The following DAP variants were observed in gnomAD, a reference collection of about 807,000 sequenced individuals.
DAP encodes death-associated protein 1.
DAP carries 8 observed loss-of-function variants against 13.8 expected under a neutral mutation model. The ratio of observed to expected loss-of-function variants is 0.58; its 90% CI spans 0.34 to 1.05. The LOEUF (loss-of-function observed/expected upper bound fraction) is 1.05. DAP is among the 50% of genes least tolerant of loss of function. The probability of loss-of-function intolerance (pLI) is 0.03; values close to 1 mark genes in which losing one functional copy is unlikely to be tolerated. For missense variants in DAP, 106 were observed against 133.2 expected (o/e 0.80, Z 1.01); for synonymous variants, 47 against 47.5 (o/e 0.99, Z 0.04).
chr5:10,750,515 C>A (rs1740021832), intron 1 of DAP, among the ~76,000 whole-genome samples: 2 of 152,172 alleles, frequency 1.3e-5, no homozygotes, highest in Non-Finnish European at 2.9e-5. Flanking sequence ...CTACTTGGGG[C>A]AGAAGGAAAC....
intron 2 of DAP, among the ~76,000 whole-genome samples, chr5:10,726,860 T>C (rs1739299715): frequency 6.6e-6 from 1 of 152,138 alleles, no homozygotes; most frequent in South Asian, 2.1e-4. Context: ...GTTTGCTAAG[T>C]GCCAGTCCCC....
intron 2 of DAP, among the ~76,000 whole-genome samples, chr5:10,685,776 C>CT: frequency 1.3e-5 from 2 of 152,254 alleles, no homozygotes; most frequent in South Asian, 4.1e-4. Flanking sequence ...ACTCCAGAAA[C>CT]TTGATATAAA....
At chr5:10,705,656 G>T (rs3797123) in intron 2 of DAP, among the ~76,000 whole-genome samples, 11,330 of 152,276 alleles carry the variant, frequency 0.074, 640 homozygotes, top group East Asian at 0.29. Context: ...ACTCAACTTT[G>T]GTCTAAGATG....
chr5:10,710,269 C>A (rs1414154404), intron 2 of DAP, among the ~76,000 whole-genome samples: 3 of 152,214 alleles, frequency 2.0e-5, no homozygotes, highest in Non-Finnish European at 4.4e-5. Context: ...ACACCAAATC[C>A]CCTGAAAAGT....
At chr5:10,727,043 C>T (rs369986930) in intron 2 of DAP, among the ~76,000 whole-genome samples, 4 of 152,188 alleles carry the variant, frequency 2.6e-5, no homozygotes, top group East Asian at 1.9e-4. Context: ...GGAATGTAAG[C>T]AACTGTTTTA....
intron 2 of DAP, among the ~76,000 whole-genome samples, chr5:10,699,862 T>G (rs1204148591): frequency 6.6e-6 from 1 of 152,230 alleles, no homozygotes; most frequent in Admixed American, 6.5e-5. Flanking sequence ...TTGAGGGAGC[T>G]TCCTTTGCTT....
In DAP at chr5:10,707,167, G is replaced by T. The variant is rs1196074714; in HGVS notation, c.153-23596C>A. Among the ~76,000 whole-genome samples, 3 of 152,196 alleles carry T rather than the reference G, an allele frequency of 2.0e-5. No homozygotes were observed. Among genetic ancestry groups the T allele is most frequent in the African/African-American group, 7.2e-5 (3 of 41,446 alleles). On this transcript the variant is annotated intron_variant, in intron 2 of 3. Transcript: ENST00000230895. This position sits in a 1 kb window ranked among gnomAD's most constrained non-coding sequence, Gnocchi z 4.0. ...AACTCAACTGGGCATTTACATTTAA[G>T]CCAAGTGCTATGAAGGGGAAGGCCA... is the stretch of plus-strand genomic sequence containing the variant.
chr5:10,708,433 C>T (rs530206688), intron 2 of DAP, among the ~76,000 whole-genome samples: 27 of 126,060 alleles, frequency 2.1e-4, no homozygotes, highest in Admixed American at 1.2e-3. Flanking sequence ...TACACATATA[C>T]ACATATCAGA....
At chr5:10,687,545 AAG>A (rs1324590655) in intron 2 of DAP, among the ~76,000 whole-genome samples, 3 of 152,300 alleles carry the variant, frequency 2.0e-5, no homozygotes, top group Admixed American at 6.5e-5. Context: ...TGAAAACAGC[AAG>A]AGAACTAGGA....
Position 10,679,453 on chromosome 5 carries a change from A to AG in DAP, c.*1602dup, listed in dbSNP as rs1479536550. 1 of 152,388 alleles carries AG rather than the reference A, an allele frequency of 6.6e-6. No individual in the cohort carries two copies. Among genetic ancestry groups the AG allele is most frequent in the Non-Finnish European group, 1.5e-5 (1 of 68,042 alleles). 9.4% of individuals were successfully genotyped at this position (152,388 alleles called of 1,614,324 possible). On this transcript the variant is annotated 3_prime_UTR_variant, in exon 4 of 4. Transcript: ENST00000230895. ...GATGCTTCTGGATTTCTGCAGCGGCAGGGCAGGGGTCTGCACAGGCCTGAC... is the reference window on the plus strand; with the variant it reads ...GATGCTTCTGGATTTCTGCAGCGGCAGGGGCAGGGGTCTGCACAGGCCTGAC...
At chr5:10,682,532 C>T (rs1487011050) in intron 3 of DAP, among the ~76,000 whole-genome samples, 4 of 149,284 alleles carry the variant, frequency 2.7e-5, no homozygotes, top group East Asian at 2.0e-4. Flanking sequence ...TCCAGGCCAG[C>T]GCCCACCAGC....
intron 2 of DAP, among the ~76,000 whole-genome samples, chr5:10,689,234 C>A (rs1001382723): frequency 2.6e-5 from 4 of 152,148 alleles, no homozygotes; most frequent in African/African-American, 9.7e-5. Context: ...ACTCCCAGGG[C>A]ACGCTCTTTC....
At chr5:10,727,026 T>TG (rs1739304450) in intron 2 of DAP, among the ~76,000 whole-genome samples, 1 of 152,198 alleles carries the variant, frequency 6.6e-6, no homozygotes, top group African/African-American at 2.4e-5. Context: ...AGACTTAGCT[T>TG]GATCCTGGAA....
At chr5:10,726,298 C>T (rs1311676928) in intron 2 of DAP, among the ~76,000 whole-genome samples, 2 of 152,228 alleles carry the variant, frequency 1.3e-5, no homozygotes, top group African/African-American at 2.4e-5. Context: ...ACACAGTGTT[C>T]ATACATTTCT....
At chr5:10,714,448 T>C (rs977939555) in intron 2 of DAP, among the ~76,000 whole-genome samples, 2 of 152,246 alleles carry the variant, frequency 1.3e-5, no homozygotes, top group Non-Finnish European at 2.9e-5. Flanking sequence ...GGAGACCTTG[T>C]TATTAAATCT....
At chr5:10,687,905 C>CTTTTTTTTT (rs1199947263) in intron 2 of DAP, among the ~76,000 whole-genome samples, 14 of 110,640 alleles carry the variant, frequency 1.3e-4, no homozygotes, top group African/African-American at 3.8e-4. Flanking sequence ...TCATTGTTGT[C>CTTTTTTTTT]TTTTTTTTTT....
intron 2 of DAP, among the ~76,000 whole-genome samples, chr5:10,737,991 G>C (rs1290112236): frequency 1.3e-5 from 2 of 152,236 alleles, no homozygotes; most frequent in Admixed American, 6.5e-5. Flanking sequence ...CACAGGACTG[G>C]AGTGATGCAT....
intron 2 of DAP, among the ~76,000 whole-genome samples, chr5:10,695,946 C>T (rs1035261212): frequency 6.6e-6 from 1 of 151,702 alleles, no homozygotes; most frequent in Non-Finnish European, 1.5e-5. Flanking sequence ...CAGTAGATGA[C>T]GTGTTCCACA....
intron 2 of DAP, among the ~76,000 whole-genome samples, chr5:10,714,215 C>T (rs1579800678): frequency 6.6e-6 from 1 of 152,334 alleles, no homozygotes; most frequent in East Asian, 1.9e-4. Context: ...AACCAACCAA[C>T]AAACCAGCCA....
Sources: gnomAD v4.1 joint callset for allele counts (sites outside exome capture counted in the v4.1 genomes callset) on GRCh38, gnomAD v4.1.1 for gene constraint, Gnocchi (gnomAD v3.1) non-coding constraint, MANE v1.5 for transcripts, NCBI Gene and HGNC (gene_info 2026-07-23, HGNC 2026-07-21) for gene names.